The following ZNF517 variants were observed in gnomAD, a reference collection of about 807,000 sequenced individuals.
ZNF517 encodes the protein zinc finger protein 517.
In ZNF517, 12 loss-of-function variants were observed where a neutral mutation model predicts 12.1. That is an observed-to-expected ratio of 0.99 (90% CI 0.63 to 1.61). The LOEUF (loss-of-function observed/expected upper bound fraction) is 1.61, where lower values mean the gene tolerates loss of function less well. ZNF517 is among the 40% of genes most tolerant of loss of function. The pLI, the probability that ZNF517 is intolerant of heterozygous loss-of-function variation, is 0.00. For synonymous variants in ZNF517, 388 were observed against 310.2 expected, an observed-to-expected ratio of 1.25 and a Z score of -2.63; for missense variants, 781 against 693.2, an observed-to-expected ratio of 1.13 and a Z score of -1.42.
rs1394451249 is a variant in ZNF517, at chr8:144,807,599, C to T, written c.683C>T (p.Thr228Ile). Residue 228 changes from threonine (T) to isoleucine (I), a missense_variant, in exon 5 of 5, where the codon ACT (threonine) becomes ATT (isoleucine). Thr to Ile is a moderately conservative substitution (Grantham distance 89, BLOSUM62 -1). Transcript: ENST00000359971. Reference sequence around the variant, plus strand: ...CTGCTGCGGCACCAGCTGATCCACACTGAGGAGAAGCCGTTCCAGTGCGGC... The same window carrying T: ...CTGCTGCGGCACCAGCTGATCCACATTGAGGAGAAGCCGTTCCAGTGCGGC... ...SILLRHQLIH[T>I]EEKPFQCGEC... is the part of the protein sequence containing the mutation. 6.2e-7 allele frequency: 1 copy of T among 1,607,268 alleles called. No individual in the cohort carries two copies. The highest frequency in any genetic ancestry group is 8.5e-7 in the Non-Finnish European group (1 of 1,177,426).
chr8:144,810,069 C>T lies in ZNF517; in HGVS notation c.*1674C>T, dbSNP rs1030276910. The T allele has an allele frequency of 1.9e-5, 10 of 523,202 alleles. No homozygotes were observed. Among genetic ancestry groups the T allele is most frequent in the Non-Finnish European group, 3.2e-5 (9 of 283,754 alleles). The allele number at this position is 523,202 out of a possible 1,614,324, so 32.4% of individuals were successfully genotyped here. ...CTCTGTCTCAAACAAATAAAAATCC[C>T]CTCTCCTAAACTCCATTATTGGTTT... On this transcript the variant is annotated 3_prime_UTR_variant, in exon 5 of 5. Transcript: ENST00000359971.
rs1228361471 is a variant in ZNF517, at chr8:144,808,300, A to T, written c.1384A>T (p.Ser462Cys). 2 of 1,541,156 alleles carry T rather than the reference A, an allele frequency of 1.3e-6. No individual in the cohort carries two copies. Among genetic ancestry groups the T allele is most frequent in the Non-Finnish European group, 1.8e-6 (2 of 1,141,188 alleles). ...GTGCCGCGCCTGCGGGAGGGCCTGC[A>T]GCCGGCTGTCCACCCTCATCCAGCA... ...YRCRACGRAC[S>C]RLSTLIQHQK... Residue 462 changes from serine (S) to cysteine (C), a missense_variant, in exon 5 of 5, where the codon AGC becomes TGC. Ser to Cys is a moderately radical substitution (Grantham distance 112). Transcript: ENST00000359971.
At chr8:144,812,621 C>T (rs1827591428), downstream of ZNF517, among the ~76,000 whole-genome samples, 1 of 152,240 alleles carries the variant, frequency 6.6e-6, no homozygotes, top group African/African-American at 2.4e-5. Flanking sequence ...TTCCGTGTCT[C>T]ACCAGGAGAC....
rs1827038681 is a variant in ZNF517 at position 144,802,936 on chromosome 8, C to G, written c.22C>G (p.Pro8Ala). 8 of 1,613,936 alleles carry G rather than the reference C, an allele frequency of 5.0e-6. No individual in the cohort carries two copies. The highest frequency in any genetic ancestry group is 5.9e-6 in the Non-Finnish European group (7 of 1,179,928). MAMALPM[P>A]GPQEAVVFED... ...TGGAATGGCGATGGCACTCCCGATG[C>G]CTGGACCTCAGGTGAGCACCCCCTG... is the stretch of plus-strand genomic sequence containing the variant. The change falls in exon 2 of 5, where the codon CCT (proline) becomes GCT (alanine). Residue 8 changes from proline to alanine, a missense_variant. Coordinates refer to ENST00000359971, the MANE Select transcript of ZNF517 (RefSeq NM_213605.3).
downstream of ZNF517, among the ~76,000 whole-genome samples, chr8:144,812,054 G>A (rs1455934563): frequency 5.0e-5 from 7 of 140,808 alleles, no homozygotes; most frequent in Non-Finnish European, 1.1e-4. Flanking sequence ...GCAGACTGCA[G>A]AATGGAAGCA....
Position 144,808,774 on chromosome 8 carries a change from G to A in ZNF517, c.*379G>A, listed in dbSNP as rs1827430430. The A allele has an allele frequency of 5.7e-6, 1 of 174,918 alleles. No individual in the cohort carries two copies. The highest frequency in any genetic ancestry group is 1.9e-4 in the South Asian group (1 of 5,140). The allele number at this position is 174,918 out of a possible 1,614,324, so 10.8% of individuals were successfully genotyped here. On this transcript the variant is annotated 3_prime_UTR_variant, in exon 5 of 5. Transcript: ENST00000359971. The stretch of plus-strand genomic sequence containing the variant: ...GCCCGGGTCTTCGTGCAGAACCATT[G>A]GGCACAGCCAGGCCTTAGCGCCAGG...
rs1201480398 is a variant in ZNF517, at chr8:144,803,659, G to A, written c.52G>A (p.Asp18Asn). The A allele has an allele frequency of 6.2e-7, 1 of 1,614,160 alleles. No homozygotes were observed. Among genetic ancestry groups the A allele is most frequent in the South Asian group, 1.1e-5 (1 of 91,086 alleles). The change falls in exon 3 of 5, where the codon GAT becomes AAT. Residue 18 changes from aspartate (D) to asparagine (N), a missense_variant. Physicochemically the swap from Asp to Asn is conservative, Grantham distance 23. Coordinates refer to ENST00000359971, the MANE Select transcript of ZNF517 (RefSeq NM_213605.3). ...PGPQEAVVFEDVAVYFTRIEW... is the reference protein window; with the variant it reads ...PGPQEAVVFENVAVYFTRIEW... ...GTTGCAGGAGGCGGTTGTGTTCGAG[G>A]ATGTGGCTGTGTACTTCACAAGGAT...
rs1827082201 is a variant in ZNF517 at position 144,803,701 on chromosome 8, G to T, written c.94G>T (p.Ala32Ser). ...YFTRIEWSCL[A>S]PDQQALYRDV... ...CACAAGGATAGAGTGGAGTTGCCTG[G>T]CCCCCGACCAGCAGGCACTCTACAG... The change falls in exon 3 of 5, where the codon GCC becomes TCC. Residue 32 changes from alanine (A) to serine (S), a missense_variant. Physicochemically the swap from Ala to Ser is moderately conservative, Grantham distance 99 (BLOSUM62 1). Coordinates refer to ENST00000359971, the MANE Select transcript of ZNF517 (RefSeq NM_213605.3). 1 of 1,614,172 alleles carries T rather than the reference G, an allele frequency of 6.2e-7. No individual in the cohort carries two copies. Among genetic ancestry groups the T allele is most frequent in the East Asian group, 2.2e-5 (1 of 44,880 alleles).
At chr8:144,812,411 A>G (rs925304898), downstream of ZNF517, among the ~76,000 whole-genome samples, 2 of 147,984 alleles carry the variant, frequency 1.4e-5, no homozygotes, top group Non-Finnish European at 3.0e-5. Context: ...GCAGAATGGA[A>G]GCAAAGGCTG....
Position 144,804,315 on chromosome 8 carries a change from T to C in ZNF517, c.274+77T>C, listed in dbSNP as rs987679903. The C allele has an allele frequency of 2.9e-6, 3 of 1,033,698 alleles. No homozygotes were observed. In the African/African-American group the frequency reaches 4.8e-5, roughly 16 times the overall value. The allele number at this position is 1,033,698 out of a possible 1,614,324, so 64.0% of individuals were successfully genotyped here. A position where few individuals can be genotyped will look rare whatever the true frequency, so the allele number is the denominator to read the frequency against. On this transcript the variant is annotated intron_variant, in intron 4 of 4. Transcript: ENST00000359971. The stretch of plus-strand genomic sequence containing the variant: ...CCTCCGGGCAGCTCTGCAGGTCCCT[T>C]CTTCTACAGTGGGAGGTGTGTATGT...
At chr8:144,799,741 C>G (rs1177737328) in intron 1 of ZNF517, among the ~76,000 whole-genome samples, 1 of 152,128 alleles carries the variant, frequency 6.6e-6, no homozygotes, top group African/African-American at 2.4e-5. Context: ...GAGATCGAGA[C>G]CATCCTGGCT....
In ZNF517 at chr8:144,807,285, C is replaced by T. The variant is rs537667299; in HGVS notation, c.369C>T (p.Pro123=). ...CGGGCACCGTGTGGGGGTGCCTCCC[C>T]TGGGGGCACCCTGTGGGGGGGCACC... ...GLPGTVWGCL[P]WGHPVGGHPA... Residue 123 remains proline (P), a synonymous_variant, in exon 5 of 5, where the codon CCC becomes CCT. Coordinates refer to ENST00000359971, the MANE Select transcript of ZNF517 (RefSeq NM_213605.3). 32 of 1,555,652 alleles carry T rather than the reference C, an allele frequency of 2.1e-5. No individual in the cohort carries two copies. The East Asian group carries it at 6.4e-4, about 31-fold the overall frequency.
rs34591412 is a variant in ZNF517, at chr8:144,809,788, T to TC, written c.*1397dup. On this transcript the variant is annotated 3_prime_UTR_variant, in exon 5 of 5. Transcript: ENST00000359971. ...CTCTCCTGGCCGGGCGCGGTAGCTC[T>TC]CCCCTGTAATCTCAGCATTTTGGGA... 5.6e-6 allele frequency: 1 copy of TC among 178,276 alleles called. No individual in the cohort carries two copies. Among genetic ancestry groups the TC allele is most frequent in the African/African-American group, 2.4e-5 (1 of 42,534 alleles). The allele number at this position is 178,276 out of a possible 1,614,324, so 11.0% of individuals were successfully genotyped here. A position where few individuals can be genotyped will look rare whatever the true frequency, so the allele number is the denominator to read the frequency against.
intron 4 of ZNF517, 64 bp downstream of exon 4, chr8:144,804,302 T>A: frequency 7.8e-7 from 1 of 1,275,956 alleles, no homozygotes; most frequent in Non-Finnish European, 1.1e-6. Flanking sequence ...TCCGGGCAGC[T>A]CTGCAGGTCC....
intron 1 of ZNF517, chr8:144,800,521 A>T (rs1418674089): frequency 1.0e-6 from 1 of 985,146 alleles, no homozygotes; most frequent in East Asian, 1.1e-4. Flanking sequence ...TCGGGGATCA[A>T]GTCTTCTGGC....
chr8:144,808,523 A>T lies in ZNF517; in HGVS notation c.*128A>T. On this transcript the variant is annotated 3_prime_UTR_variant, in exon 5 of 5. Transcript: ENST00000359971. ...TCTAAAGAAAGGGCCAGCTCCCATC[A>T]GGAGCTCGGCTTCTTGCTCCAGCCG... 1 of 1,255,414 alleles carries T rather than the reference A, an allele frequency of 8.0e-7. No homozygotes were observed. Among genetic ancestry groups the T allele is most frequent in the Non-Finnish European group, 1.0e-6 (1 of 984,722 alleles). The allele number at this position is 1,255,414 out of a possible 1,614,324, so 77.8% of individuals were successfully genotyped here. A position where few individuals can be genotyped will look rare whatever the true frequency, so the allele number is the denominator to read the frequency against.
intron 1 of ZNF517, among the ~76,000 whole-genome samples, chr8:144,802,024 C>A (rs1292615365): frequency 6.6e-6 from 1 of 151,988 alleles, no homozygotes; most frequent in Admixed American, 6.6e-5. Flanking sequence ...CGCATTGAGA[C>A]CCTGTCTCAA....
At position 144,807,543 on chromosome 8, in the gene ZNF517, G is replaced by T. The variant is rs1563810116; in HGVS notation, c.627G>T (p.Glu209Asp). The stretch of plus-strand genomic sequence containing the variant: ...GCGCCAAGCCCTTCCAGTGCACAGA[G>T]TGCGGGAAGGCCTTCAAGCAAAGCT... Reference protein sequence around the residue: ...HTGAKPFQCTECGKAFKQSSI... With the variant: ...HTGAKPFQCTDCGKAFKQSSI... The change falls in exon 5 of 5, where the codon GAG becomes GAT. Residue 209 changes from glutamate (E) to aspartate (D), a missense_variant. Transcript: ENST00000359971. 1 of 1,597,758 alleles carries T rather than the reference G, an allele frequency of 6.3e-7. No individual in the cohort carries two copies. Among genetic ancestry groups the T allele is most frequent in the Admixed American group, 1.7e-5 (1 of 57,692 alleles).
chr8:144,807,084 G>C, intron 4 of ZNF517, 107 bp from the exon 5 acceptor site: 3 of 1,397,942 alleles, frequency 2.1e-6, no homozygotes, highest in South Asian at 1.5e-5. Flanking sequence ...AGTAAAGCTG[G>C]GTGTTGGGGG....
Sources: gnomAD v4.1 joint callset for allele counts (sites outside exome capture counted in the v4.1 genomes callset) on GRCh38, gnomAD v4.1.1 for gene constraint, MANE v1.5 for transcripts, NCBI Gene and HGNC (gene_info 2026-07-23, HGNC 2026-07-21) for gene names.